Variants in ACMSD observed in about 807,000 individuals in gnomAD.
ACMSD encodes 2-amino-3-carboxymuconate-6-semialdehyde decarboxylase.
ACMSD carries 37 observed loss-of-function variants against 45.9 expected under a neutral mutation model. That is an observed-to-expected ratio of 0.81 (90% CI 0.62 to 1.06). ACMSD has a LOEUF of 1.06. Among genes scored for constraint, ACMSD ranks in the 50% least tolerant of loss-of-function variants. The probability of loss-of-function intolerance (pLI) is 0.00; values close to 1 mark genes in which losing one functional copy is unlikely to be tolerated. For synonymous variants in ACMSD, 138 were observed against 148.8 expected, an observed-to-expected ratio of 0.93 and a Z score of 0.53; for missense variants, 434 against 420.9, an observed-to-expected ratio of 1.03 and a Z score of -0.27.
At chr2:134,885,367 T>G (rs1406004730) in intron 8 of ACMSD, among the ~76,000 whole-genome samples, 1 of 108,056 alleles carries the variant, frequency 9.3e-6, no homozygotes, top group Non-Finnish European at 1.7e-5. Context: ...TTTACATATA[T>G]ATTATATATA....
chr2:134,872,421 A>T, intron 7 of ACMSD, 48 bp from the exon 8 acceptor site: 1 of 1,607,802 alleles, frequency 6.2e-7, no homozygotes, highest in Non-Finnish European at 8.5e-7. Context: ...GACTAAAGGA[A>T]TCCTTTACAA....
chr2:134,876,633 C>T (rs2104900215), intron 8 of ACMSD, among the ~76,000 whole-genome samples: 1 of 152,240 alleles, frequency 6.6e-6, no homozygotes, highest in East Asian at 1.9e-4. Context: ...CAGGACTTGC[C>T]TCAGGCTGTT....
chr2:134,864,506 C>A (rs1688004678), intron 5 of ACMSD, among the ~76,000 whole-genome samples: 1 of 152,048 alleles, frequency 6.6e-6, no homozygotes, highest in Non-Finnish European at 1.5e-5. Context: ...ATTTTGTATG[C>A]TAATTAAAAA....
chr2:134,879,538 C>T (rs1365671324), intron 8 of ACMSD, among the ~76,000 whole-genome samples: 1 of 152,178 alleles, frequency 6.6e-6, no homozygotes. Context: ...TGGTTTAAAA[C>T]AAGAATGCAT....
chr2:134,863,572 A>G lies in ACMSD; in HGVS notation c.427A>G (p.Ile143Val). The change falls in exon 5 of 10, where the codon ATT becomes GTT. Residue 143 changes from isoleucine (I) to valine (V), a missense_variant. By Grantham distance (29) the Ile-to-Val change is conservative. Transcript: ENST00000356140. Reference sequence around the variant, plus strand: ...AGAGCTGGGCTTTCCCGGGGTCCAAATTGGCACCCACGTCAACGAGTGGGA... The same window carrying G: ...AGAGCTGGGCTTTCCCGGGGTCCAAGTTGGCACCCACGTCAACGAGTGGGA... ...VKELGFPGVQ[I>V]GTHVNEWDLN... The G allele has an allele frequency of 1.2e-6, 2 of 1,614,142 alleles. No homozygotes were observed. The highest frequency in any genetic ancestry group is 1.1e-5 in the South Asian group (1 of 91,084).
intron 2 of ACMSD, among the ~76,000 whole-genome samples, chr2:134,846,229 C>A (rs997931919): frequency 6.6e-6 from 1 of 152,118 alleles, no homozygotes; most frequent in African/African-American, 2.4e-5. Flanking sequence ...CACTCAGCTA[C>A]CAGCATTTCT....
intron 8 of ACMSD, among the ~76,000 whole-genome samples, chr2:134,876,547 G>A (rs2104899924): frequency 6.6e-6 from 1 of 152,266 alleles, no homozygotes; most frequent in Non-Finnish European, 1.5e-5. Context: ...TTGTCCCACT[G>A]GAAGGTCTTC....
chr2:134,845,753 A>G (rs1687026171), intron 2 of ACMSD, among the ~76,000 whole-genome samples: 3 of 152,144 alleles, frequency 2.0e-5, no homozygotes. Context: ...TGAGTTTGGT[A>G]AGAGGAAAAA....
intron 2 of ACMSD, among the ~76,000 whole-genome samples, 189 bp downstream of exon 2, chr2:134,845,466 G>A (rs952019638): frequency 2.1e-5 from 3 of 146,274 alleles, no homozygotes; most frequent in South Asian, 2.2e-4. Flanking sequence ...TCAAAGAGTA[G>A]TATTTAGGAA....
intron 6 of ACMSD, 51 bp downstream of exon 6, chr2:134,867,723 C>T: frequency 1.4e-6 from 2 of 1,477,432 alleles, no homozygotes; most frequent in Non-Finnish European, 9.4e-7. Flanking sequence ...TGGGTTTTTC[C>T]AATCATCTAT....
At position 134,844,624 on chromosome 2, in the gene ACMSD, C is replaced by T. The variant is rs58321067; in HGVS notation, c.58-609C>T. On this transcript the variant is annotated intron_variant, in intron 1 of 9. Coordinates refer to ENST00000356140, the MANE Select transcript of ACMSD (RefSeq NM_138326.3). Reference sequence around the variant, plus strand: ...GATGCAGGGGGCTAATTTCTTAGTACTTCTGACCTACTAGGATGGCTTGAT... The same window carrying T: ...GATGCAGGGGGCTAATTTCTTAGTATTTCTGACCTACTAGGATGGCTTGAT... Among the ~76,000 whole-genome samples, 2,669 of 152,266 alleles carry T rather than the reference C, an allele frequency of 0.018. 216 individuals carry two copies. In the East Asian group the frequency reaches 0.28, roughly 16 times the overall value.
intron 7 of ACMSD, among the ~76,000 whole-genome samples, chr2:134,871,678 G>GACACACACACACACACAC (rs368267244): frequency 2.2e-5 from 3 of 137,636 alleles, no homozygotes; most frequent in African/African-American, 8.6e-5. Flanking sequence ...CCCTTCAACA[G>GACACACACACACACACAC]ACAGACACAC....
intron 8 of ACMSD, among the ~76,000 whole-genome samples, chr2:134,882,333 T>C (rs1251397102): frequency 6.6e-6 from 1 of 152,136 alleles, no homozygotes; most frequent in African/African-American, 2.4e-5. Flanking sequence ...GTTCAAGTCC[T>C]GGCTCTACTA....
chr2:134,889,747 C>G (rs2104943805), intron 8 of ACMSD, among the ~76,000 whole-genome samples: 1 of 151,954 alleles, frequency 6.6e-6, no homozygotes, highest in Admixed American at 6.6e-5. Flanking sequence ...TAACTGTACT[C>G]AAAGAATGGT....
At position 134,844,439 on chromosome 2, in the gene ACMSD, G is replaced by A. The variant is rs557172103; in HGVS notation, c.58-794G>A. 2.0e-5 allele frequency: 3 copies of A among 152,364 alleles called. No homozygotes were observed. The East Asian group carries it at 5.8e-4, about 29-fold the overall frequency. 9.4% of individuals were successfully genotyped at this position (152,364 alleles called of 1,614,324 possible). On this transcript the variant is annotated intron_variant, in intron 1 of 9. Transcript: ENST00000356140. ...CAGGAAACACCAGTAGAGTGAGGAA[G>A]TGAGACAGGGAAAACAGGGCAGCCA...
intron 8 of ACMSD, chr2:134,872,904 C>T (rs1688531283): frequency 2.4e-6 from 1 of 411,508 alleles, no homozygotes; most frequent in Non-Finnish European, 4.5e-6. Flanking sequence ...GGTATTCCCC[C>T]AGATCAGCTC....
intron 8 of ACMSD, among the ~76,000 whole-genome samples, chr2:134,885,264 TA>T (rs1323426076): frequency 2.1e-5 from 2 of 93,082 alleles, no homozygotes; most frequent in African/African-American, 4.5e-5. Context: ...ATAATATATA[TA>T]TAAATATATA....
At chr2:134,849,096 G>C (rs1687210647) in intron 2 of ACMSD, among the ~76,000 whole-genome samples, 1 of 152,122 alleles carries the variant, frequency 6.6e-6, no homozygotes, top group Admixed American at 6.5e-5. Flanking sequence ...GGGACAGGCA[G>C]CTGTGATTTT....
At chr2:134,872,720 C>A (rs1688521434) in intron 8 of ACMSD, 79 bp downstream of exon 8, 2 of 1,527,396 alleles carry the variant, frequency 1.3e-6, no homozygotes. Flanking sequence ...CCTTTGGCCT[C>A]TCTCCAAAAA....
Sources: gnomAD v4.1 joint callset for allele counts (sites outside exome capture counted in the v4.1 genomes callset) on GRCh38, gnomAD v4.1.1 for gene constraint, MANE v1.5 for transcripts, NCBI Gene and HGNC (gene_info 2026-07-23, HGNC 2026-07-21) for gene names.